FGD6: variants seen among roughly 807,000 people sequenced by gnomAD.
FGD6 encodes the protein FYVE, RhoGEF and PH domain containing 6, also known as FYVE, RhoGEF and PH domain-containing protein 6.
FGD6 carries 90 observed loss-of-function variants against 149.4 expected under a neutral mutation model. The observed-to-expected ratio is 0.60, with a 90% CI of 0.51 to 0.72. The LOEUF (loss-of-function observed/expected upper bound fraction) is 0.72, where lower values mean the gene tolerates loss of function less well. FGD6 is among the 30% of genes least tolerant of loss of function. The probability of loss-of-function intolerance (pLI) is 0.00; values close to 1 mark genes in which losing one functional copy is unlikely to be tolerated. For synonymous variants in FGD6, 527 were observed against 584.0 expected, an observed-to-expected ratio of 0.90 and a Z score of 1.41; for missense variants, 1,437 against 1,684.8, an observed-to-expected ratio of 0.85 and a Z score of 2.57.
chr12:95,082,689 T>C (rs1877718876), intron 20 of FGD6, among the ~76,000 whole-genome samples: 1 of 150,268 alleles, frequency 6.7e-6, no homozygotes, highest in African/African-American at 2.4e-5. Flanking sequence ...TCTCAAAGTT[T>C]CACAGACATC....
chr12:95,205,587 G>C (rs1222930231), intron 2 of FGD6, among the ~76,000 whole-genome samples: 2 of 152,174 alleles, frequency 1.3e-5, no homozygotes, highest in African/African-American at 4.8e-5. Flanking sequence ...AGTATTCTAA[G>C]GCACAGGTCT....
In FGD6 at chr12:95,179,264, G is replaced by C. The variant is rs10859844; in HGVS notation, c.2442-6520C>G. Among the ~76,000 whole-genome samples, 9 of 151,344 alleles carry C rather than the reference G, an allele frequency of 5.9e-5. No homozygotes were observed. The East Asian group carries it at 1.5e-3, about 26-fold the overall frequency. ...AATCCCAGCACTCTGGGAGGCTGTG[G>C]GGGGTGGGGGTGATTGCTTGGGCCT... On this transcript the variant is annotated intron_variant, in intron 2 of 20. Transcript: ENST00000343958.
chr12:95,149,605 G>C (rs1880234055), intron 5 of FGD6, among the ~76,000 whole-genome samples: 1 of 140,618 alleles, frequency 7.1e-6, no homozygotes, highest in Admixed American at 7.9e-5. Context: ...ACTGTAGTGA[G>C]CTGATTGCAC....
At chr12:95,084,200 T>G (rs1033249403) in intron 20 of FGD6, among the ~76,000 whole-genome samples, 19 of 152,232 alleles carry the variant, frequency 1.2e-4, no homozygotes, top group African/African-American at 4.3e-4. Flanking sequence ...GCCTTAGCTT[T>G]CCTTCCTTTC....
chr12:95,086,111 T>C (rs1877855813), intron 18 of FGD6, among the ~76,000 whole-genome samples: 2 of 152,174 alleles, frequency 1.3e-5, no homozygotes, highest in Non-Finnish European at 1.5e-5. Context: ...TTAGAGGCAA[T>C]TATAGAATTT....
chr12:95,159,751 T>C (rs1880582331), intron 3 of FGD6, among the ~76,000 whole-genome samples: 2 of 152,146 alleles, frequency 1.3e-5, no homozygotes, highest in African/African-American at 4.8e-5. Context: ...AGAGGATCAC[T>C]GAACCCAGGA....
chr12:95,085,246 T>A (rs1394975895), intron 19 of FGD6, among the ~76,000 whole-genome samples: 1 of 130,418 alleles, frequency 7.7e-6, no homozygotes, highest in Non-Finnish European at 1.6e-5. Context: ...AGACAGAGTC[T>A]CTCTGTTGCC....
chr12:95,172,039 G>GT (rs66683353), intron 3 of FGD6, among the ~76,000 whole-genome samples: 1 of 56,962 alleles, frequency 1.8e-5, no homozygotes, highest in Non-Finnish European at 3.4e-5. Flanking sequence ...ATTCTAAGGG[G>GT]GGGGGGGTTG....
chr12:95,179,412 G>A (rs943295273), intron 2 of FGD6, among the ~76,000 whole-genome samples: 1 of 152,056 alleles, frequency 6.6e-6, no homozygotes, highest in Non-Finnish European at 1.5e-5. Context: ...GGCTGAGGTG[G>A]GAGGATCACT....
chr12:95,187,770 T>TACA (rs1337834921), intron 2 of FGD6, among the ~76,000 whole-genome samples: 1 of 152,130 alleles, frequency 6.6e-6, no homozygotes, highest in Admixed American at 6.6e-5. Flanking sequence ...AGTGAGGTCA[T>TACA]GTGAGCCACG....
At chr12:95,122,878 TCGAGA>T (rs981137050) in intron 8 of FGD6, among the ~76,000 whole-genome samples, 1 of 151,874 alleles carries the variant, frequency 6.6e-6, no homozygotes. Flanking sequence ...GGTCAGGAAT[TCGAGA>T]CCAGCCTGGC....
At chr12:95,148,716 T>C (rs56083997) in intron 5 of FGD6, among the ~76,000 whole-genome samples, 13,315 of 37,086 alleles carry the variant, frequency 0.36, 2,304 homozygotes, top group Middle Eastern at 0.53. Flanking sequence ...ATACATAGCA[T>C]ATGTTATATT....
At chr12:95,110,442 G>A (rs903060130) in intron 9 of FGD6, among the ~76,000 whole-genome samples, 3 of 149,738 alleles carry the variant, frequency 2.0e-5, no homozygotes, top group Admixed American at 6.7e-5. Flanking sequence ...CTCAACCTCC[G>A]CCTCCCAGAT....
chr12:95,114,166 C>G (rs1372313169), intron 8 of FGD6, among the ~76,000 whole-genome samples: 1 of 152,120 alleles, frequency 6.6e-6, no homozygotes, highest in Non-Finnish European at 1.5e-5. Context: ...CTCAGGACAC[C>G]AAGGGAACTC....
intron 3 of FGD6, among the ~76,000 whole-genome samples, chr12:95,155,665 G>A (rs1880447589): frequency 6.6e-6 from 1 of 152,140 alleles, no homozygotes; most frequent in South Asian, 2.1e-4. Flanking sequence ...ATCATAAATA[G>A]TAGTCAGTCA....
rs1183538275 is a variant in FGD6, at chr12:95,083,034, C to CACAT, written c.4256+1463_4256+1464insATGT. ...AAAAATATATATATATATATATACA[C>CACAT]ACACATACACACACACACACACACA... On this transcript the variant is annotated intron_variant, in intron 20 of 20. Transcript: ENST00000343958. Among the ~76,000 whole-genome samples the CACAT allele has an allele frequency of 9.8e-3, 684 of 69,598 alleles. 18 individuals are homozygous for CACAT. The highest frequency in any genetic ancestry group is 0.053 in the East Asian group (131 of 2,452). The allele number at this position is 69,598 out of a possible 152,430, so 45.7% of individuals were successfully genotyped here.
intron 8 of FGD6, among the ~76,000 whole-genome samples, chr12:95,119,661 T>C (rs112944090): frequency 9.8e-5 from 15 of 152,368 alleles, no homozygotes; most frequent in African/African-American, 3.4e-4. Flanking sequence ...GCTGGTGTGG[T>C]GGCTTACACC....
At chr12:95,188,792 T>C (rs1242252669) in intron 2 of FGD6, among the ~76,000 whole-genome samples, 4 of 147,268 alleles carry the variant, frequency 2.7e-5, no homozygotes, top group Non-Finnish European at 4.5e-5. Flanking sequence ...AAGTATTCCT[T>C]AAAAACAACT....
chr12:95,090,996 G>A (rs1322473460), intron 17 of FGD6, among the ~76,000 whole-genome samples: 1 of 152,196 alleles, frequency 6.6e-6, no homozygotes, highest in Admixed American at 6.5e-5. Flanking sequence ...CAGCTACTCA[G>A]GAGGCTGAGG....
Sources: allele counts gnomAD v4.1 joint callset (sites outside exome capture counted in the v4.1 genomes callset), GRCh38; gene constraint gnomAD v4.1.1; transcripts MANE v1.5; gene names NCBI Gene and HGNC (gene_info 2026-07-23, HGNC 2026-07-21).